Variants in SSBP2 observed in about 807,000 individuals in gnomAD.
SSBP2 encodes the protein single stranded DNA binding protein 2, also known as single-stranded DNA-binding protein 2.
SSBP2 carries 17 observed loss-of-function variants against 61.8 expected under a neutral mutation model. That is an observed-to-expected ratio of 0.28 (90% CI 0.19 to 0.41). SSBP2 has a LOEUF of 0.41. Among genes scored for constraint, SSBP2 ranks in the 10% least tolerant of loss-of-function variants. The pLI, the probability that SSBP2 is intolerant of heterozygous loss-of-function variation, is 1.00. For missense variants in SSBP2, 310 were observed against 458.7 expected, an observed-to-expected ratio of 0.68 and a Z score of 2.96; for synonymous variants, 139 against 141.3, an observed-to-expected ratio of 0.98 and a Z score of 0.12.
intron 5 of SSBP2, among the ~76,000 whole-genome samples, chr5:81,494,551 C>T (rs1411790852): frequency 6.6e-6 from 1 of 152,164 alleles, no homozygotes; most frequent in African/African-American, 2.4e-5. Flanking sequence ...GAGAGATGAT[C>T]TCTTTCCTTC....
intron 5 of SSBP2, among the ~76,000 whole-genome samples, chr5:81,493,243 G>A (rs1211904146): frequency 1.4e-5 from 2 of 141,200 alleles, no homozygotes; most frequent in Non-Finnish European, 3.1e-5. Context: ...ATATTTGAAT[G>A]AACAAAACAG....
intron 4 of SSBP2, among the ~76,000 whole-genome samples, chr5:81,609,162 G>A (rs1033702139): frequency 5.9e-5 from 9 of 152,132 alleles, no homozygotes; most frequent in African/African-American, 2.2e-4. Context: ...GCATGAAACT[G>A]CTTTTCAGTG....
intron 4 of SSBP2, among the ~76,000 whole-genome samples, chr5:81,543,043 CG>C (rs1771425556): frequency 6.6e-6 from 1 of 151,944 alleles, no homozygotes; most frequent in Admixed American, 6.6e-5. Flanking sequence ...TTAGTAGAGA[CG>C]GGGTTTCACC....
chr5:81,481,821 TTC>T (rs967392063), intron 6 of SSBP2, among the ~76,000 whole-genome samples: 1 of 151,754 alleles, frequency 6.6e-6, no homozygotes, highest in African/African-American at 2.4e-5. Flanking sequence ...AGGAATCTTT[TTC>T]TCTGAGTAGT....
chr5:81,420,464 C>T lies in SSBP2; in HGVS notation c.*40G>A, dbSNP rs368965561. The T allele has an allele frequency of 3.1e-6, 5 of 1,598,458 alleles. No individual in the cohort carries two copies. Among genetic ancestry groups the T allele is most frequent in the Middle Eastern group, 1.7e-4 (1 of 6,054 alleles). Reference sequence around the variant, plus strand: ...TCTTCCGTAGTAGTTCTGTGAAGGGCTGACTCACTGTGGTTTTCATGAGGA... The same window carrying T: ...TCTTCCGTAGTAGTTCTGTGAAGGGTTGACTCACTGTGGTTTTCATGAGGA... On this transcript the variant is annotated 3_prime_UTR_variant, in exon 17 of 17. Coordinates refer to ENST00000320672, the MANE Select transcript of SSBP2 (RefSeq NM_012446.5).
At chr5:81,738,924 G>C (rs1378736858) in intron 1 of SSBP2, among the ~76,000 whole-genome samples, 1 of 152,014 alleles carries the variant, frequency 6.6e-6, no homozygotes, top group African/African-American at 2.4e-5. Context: ...CAGCACTTTG[G>C]GTGGCTGAGG....
Position 81,725,175 on chromosome 5 carries a change from G to A in SSBP2, c.62+25806C>T, listed in dbSNP as rs542655657. Among the ~76,000 whole-genome samples the A allele has an allele frequency of 2.0e-5, 3 of 152,218 alleles. No individual in the cohort carries two copies. The South Asian group carries it at 6.2e-4, about 32-fold the overall frequency. On this transcript the variant is annotated intron_variant, in intron 1 of 16. Transcript: ENST00000320672. ...AAGAAGAGATCTGAATGGAGTGAGT[G>A]AGCCACGTGAATAAGGGGAAAGAGT...
chr5:81,438,753 A>C (rs977291568), intron 14 of SSBP2, among the ~76,000 whole-genome samples: 2 of 152,302 alleles, frequency 1.3e-5, no homozygotes, highest in African/African-American at 4.8e-5. Context: ...CTTTTTGTGA[A>C]TGGTTCTACA....
chr5:81,501,246 T>G (rs1448055639), intron 5 of SSBP2, among the ~76,000 whole-genome samples: 1 of 55,524 alleles, frequency 1.8e-5, no homozygotes, highest in Non-Finnish European at 3.1e-5. Context: ...TATATATATA[T>G]ATATATATAT....
intron 3 of SSBP2, among the ~76,000 whole-genome samples, chr5:81,625,267 G>A (rs544924910): frequency 1.3e-5 from 2 of 152,168 alleles, no homozygotes; most frequent in South Asian, 4.2e-4. Flanking sequence ...ACTTTAGTAA[G>A]CTATTCTGAT....
At chr5:81,602,326 A>C (rs1744445523) in intron 4 of SSBP2, among the ~76,000 whole-genome samples, 1 of 152,190 alleles carries the variant, frequency 6.6e-6, no homozygotes, top group African/African-American at 2.4e-5. Context: ...AATTATTTTT[A>C]AAACTTTATA....
intron 6 of SSBP2, among the ~76,000 whole-genome samples, chr5:81,488,058 T>TATATATATATAA (rs1491473867): frequency 1.2e-5 from 1 of 83,192 alleles, no homozygotes; most frequent in Non-Finnish European, 2.1e-5. Flanking sequence ...TATATATATA[T>TATATATATATAA]AAATAAAATA....
intron 4 of SSBP2, among the ~76,000 whole-genome samples, chr5:81,551,096 G>GAAAAAAAAAAAAAAA (rs35816072): frequency 1.2e-5 from 1 of 80,222 alleles, no homozygotes; most frequent in Non-Finnish European, 2.5e-5. Flanking sequence ...ACTCCATCTC[G>GAAAAAAAAAAAAAAA]AAAAAAAAAA....
At chr5:81,420,683 TA>T (rs1440514542) in intron 16 of SSBP2, 150 bp from the exon 17 acceptor site, 11 of 654,970 alleles carry the variant, frequency 1.7e-5, no homozygotes, top group Admixed American at 2.9e-5. Flanking sequence ...TAAGAAACTA[TA>T]AAAAAAGTAA....
chr5:81,431,444 T>C (rs1193818765), intron 15 of SSBP2, among the ~76,000 whole-genome samples: 2 of 151,596 alleles, frequency 1.3e-5, no homozygotes, highest in Non-Finnish European at 2.9e-5. Context: ...ATGTCACACA[T>C]GAATATTTAT....
At chr5:81,459,589 T>C (rs1263335369) in intron 10 of SSBP2, among the ~76,000 whole-genome samples, 1 of 152,208 alleles carries the variant, frequency 6.6e-6, no homozygotes, top group African/African-American at 2.4e-5. Context: ...TCTAGCTTCA[T>C]GAGACATGCA....
intron 6 of SSBP2, among the ~76,000 whole-genome samples, chr5:81,486,895 T>C (rs1190404308): frequency 2.0e-5 from 3 of 152,168 alleles, no homozygotes; most frequent in Non-Finnish European, 4.4e-5. Context: ...CTCAAAGTTC[T>C]CCCCTGGGGG....
rs566620041 is a variant in SSBP2 at position 81,739,663 on chromosome 5, C to T, written c.62+11318G>A. On this transcript the variant is annotated intron_variant, in intron 1 of 16. Transcript: ENST00000320672. ...CGGTTAACATTTTTTTAATGAATAA[C>T]GGAGTGGGGAGATAGAATAAATATG... 5.9e-5 allele frequency among the ~76,000 whole-genome samples: 9 copies of T among 152,042 alleles called. 1 individual carries two copies. The South Asian group carries it at 1.7e-3, about 28-fold the overall frequency.
At chr5:81,688,130 T>C (rs975988399) in intron 1 of SSBP2, among the ~76,000 whole-genome samples, 2 of 152,040 alleles carry the variant, frequency 1.3e-5, no homozygotes, top group African/African-American at 2.4e-5. Context: ...AAGGGAGCAG[T>C]AGCCAGGCAG....
Sources: allele counts gnomAD v4.1 joint callset (sites outside exome capture counted in the v4.1 genomes callset), GRCh38; gene constraint gnomAD v4.1.1; transcripts MANE v1.5; gene names NCBI Gene and HGNC (gene_info 2026-07-23, HGNC 2026-07-21).